The following AKR1C8 variants were observed in gnomAD, a reference collection of about 807,000 sequenced individuals.
AKR1C8 encodes aldo-keto reductase family 1 member C-like protein 1.
the AKR1C8 span, among the ~76,000 whole-genome samples, chr10:5,121,418 T>C: frequency 6.6e-6 from 1 of 152,310 alleles, no homozygotes; most frequent in East Asian, 1.9e-4. Context: ...GAGGGTCTAT[T>C]AATTTCATAA....
At chr10:5,164,210 C>G in the AKR1C8 span, among the ~76,000 whole-genome samples, 1 of 152,076 alleles carries the variant, frequency 6.6e-6, no homozygotes, top group Admixed American at 6.6e-5. Context: ...GGGCCTAGGT[C>G]CAAGGCAAAG....
the AKR1C8 span, among the ~76,000 whole-genome samples, chr10:5,183,704 T>TA: frequency 1.3e-5 from 2 of 151,750 alleles, no homozygotes; most frequent in Admixed American, 6.6e-5. Flanking sequence ...AGAAAAAACT[T>TA]AAACAGTTAG....
At chr10:5,134,524 C>A in the AKR1C8 span, among the ~76,000 whole-genome samples, 1 of 152,246 alleles carries the variant, frequency 6.6e-6, no homozygotes, top group South Asian at 2.1e-4. Context: ...TTAACATGGA[C>A]CAAAAATCTA....
the AKR1C8 span, among the ~76,000 whole-genome samples, chr10:5,173,280 C>G: frequency 4.6e-5 from 7 of 151,886 alleles, no homozygotes; most frequent in African/African-American, 1.7e-4. Context: ...ATACTTAAAA[C>G]TTTGATCAGC....
At chr10:5,149,066 T>A in the AKR1C8 span, among the ~76,000 whole-genome samples, 1 of 152,194 alleles carries the variant, frequency 6.6e-6, no homozygotes, top group Middle Eastern at 3.4e-3. Context: ...TATATATAGC[T>A]GTTATATATA....
At chr10:5,160,683 A>G in the AKR1C8 span, 5 of 385,186 alleles carry the variant, frequency 1.3e-5, no homozygotes, top group African/African-American at 2.1e-5. Context: ...ATGAGAACAC[A>G]GAGGCACAGA....
the AKR1C8 span, among the ~76,000 whole-genome samples, chr10:5,150,112 C>T: frequency 6.6e-6 from 1 of 151,544 alleles, no homozygotes; most frequent in Admixed American, 6.6e-5. Flanking sequence ...AACATATTAG[C>T]TCTTCACTGA....
At chr10:5,168,130 A>T in the AKR1C8 span, among the ~76,000 whole-genome samples, 2 of 152,096 alleles carry the variant, frequency 1.3e-5, no homozygotes, top group Non-Finnish European at 2.9e-5. Context: ...ATACTATCCA[A>T]CAACTAGATC....
the AKR1C8 span, chr10:5,157,822 C>A: frequency 2.2e-6 from 1 of 464,670 alleles, no homozygotes; most frequent in Non-Finnish European, 4.5e-6. Context: ...GGAACAGACA[C>A]AGATGTGAAG....
the AKR1C8 span, among the ~76,000 whole-genome samples, chr10:5,177,138 T>C: frequency 6.6e-6 from 1 of 152,184 alleles, no homozygotes; most frequent in Non-Finnish European, 1.5e-5. Flanking sequence ...TCTTATTATT[T>C]TGAGATGCAT....
the AKR1C8 span, chr10:5,132,782 T>C: frequency 8.4e-7 from 1 of 1,190,738 alleles, no homozygotes; most frequent in South Asian, 1.4e-5. Context: ...GGAGGAGTAA[T>C]GAAAAGTAGT....
chr10:5,164,188 CTGAT>C, the AKR1C8 span, among the ~76,000 whole-genome samples: 2,662 of 152,184 alleles, frequency 0.017, 74 homozygotes, highest in African/African-American at 0.06. Context: ...ACTTCAGTCT[CTGAT>C]TGGTCCTGGG....
the AKR1C8 span, among the ~76,000 whole-genome samples, chr10:5,179,413 T>G: frequency 6.6e-6 from 1 of 152,152 alleles, no homozygotes; most frequent in East Asian, 1.9e-4. Flanking sequence ...CCCTTAACAT[T>G]TTTTCCTTCA....
chr10:5,182,878 C>CCA, the AKR1C8 span, among the ~76,000 whole-genome samples: 1 of 151,824 alleles, frequency 6.6e-6, no homozygotes, highest in Non-Finnish European at 1.5e-5. Context: ...CCATTGCACT[C>CCA]CAGCCTGGGC....
the AKR1C8 span, among the ~76,000 whole-genome samples, chr10:5,170,539 A>G: frequency 6.6e-6 from 1 of 152,070 alleles, no homozygotes; most frequent in African/African-American, 2.4e-5. Context: ...CCATTTATGA[A>G]TTTGTACCAT....
the AKR1C8 span, among the ~76,000 whole-genome samples, chr10:5,148,951 G>GA: frequency 1.3e-5 from 2 of 151,834 alleles, no homozygotes; most frequent in Admixed American, 6.6e-5. Flanking sequence ...AGAAAAAATA[G>GA]AAAAAAAGAT....
At chr10:5,146,997 A>G in the AKR1C8 span, among the ~76,000 whole-genome samples, 1 of 152,162 alleles carries the variant, frequency 6.6e-6, no homozygotes, top group African/African-American at 2.4e-5. Context: ...ATTTATAAAG[A>G]AGTCTCTTTG....
the AKR1C8 span, among the ~76,000 whole-genome samples, chr10:5,131,214 A>G: frequency 6.6e-6 from 1 of 152,104 alleles, no homozygotes; most frequent in East Asian, 1.9e-4. Context: ...AAGACCTGAA[A>G]CCATAAAAAT....
the AKR1C8 span, chr10:5,160,893 G>C: frequency 4.2e-6 from 2 of 471,030 alleles, no homozygotes; most frequent in African/African-American, 2.0e-5. Context: ...TCCCAGGCTG[G>C]AAAATAGAAA....
Sources: gnomAD v4.1 joint callset for allele counts (sites outside exome capture counted in the v4.1 genomes callset) on GRCh38, gnomAD v4.1.1 for gene constraint, MANE v1.5 for transcripts, NCBI Gene and HGNC (gene_info 2026-07-23, HGNC 2026-07-21) for gene names.